Variants in ZNF721 observed in about 807,000 individuals in gnomAD.
ZNF721 encodes the protein zinc finger protein 721.
ZNF721 carries 2 observed loss-of-function variants against 2.4 expected under a neutral mutation model. The observed-to-expected ratio is 0.82, with a 90% CI of 0.34 to 2.58. ZNF721 has a LOEUF of 2.58. Among genes scored for constraint, ZNF721 ranks in the 30% most tolerant of loss-of-function variants. ZNF721 has a pLI of 0.11. For synonymous variants in ZNF721, 398 were observed against 381.8 expected, an observed-to-expected ratio of 1.04 and a Z score of -0.50; for missense variants, 1,187 against 1,085.5, an observed-to-expected ratio of 1.09 and a Z score of -1.31.
rs782011346 is a variant in ZNF721, at chr4:441,771, CCA to C, written c.2694_2695del (p.Cys898TrpfsTer5). ...ATTTGCAGACTGTCTAAAGGTTTTG[CCA>C]CAGTCTCCACACGTGTAGGGTTTCT... On this transcript the variant is annotated frameshift_variant, in exon 3 of 3. Coordinates refer to ENST00000511833, the MANE Select transcript of ZNF721 (RefSeq NM_133474.4). LOFTEE classifies it low-confidence loss of function (END_TRUNC). 250 of 1,613,644 alleles carry C rather than the reference CCA, an allele frequency of 1.5e-4. No individual in the cohort carries two copies. Among genetic ancestry groups the C allele is most frequent in the East Asian group, 7.6e-4 (34 of 44,866 alleles).
intron 2 of ZNF721, chr4:454,115 A>G (rs1468351273): frequency 6.6e-6 from 1 of 152,220 alleles, no homozygotes; most frequent in African/African-American, 2.4e-5. Context: ...TTAATAACAC[A>G]TTAGTACACT....
chr4:479,114 G>A (rs1715709394), intron 1 of ZNF721, among the ~76,000 whole-genome samples: 1 of 152,148 alleles, frequency 6.6e-6, no homozygotes, highest in Non-Finnish European at 1.5e-5. Context: ...AATACCTTTT[G>A]TTGGAGAGTC....
chr4:486,521 G>C (rs75886120), intron 1 of ZNF721, among the ~76,000 whole-genome samples: 18,421 of 152,070 alleles, frequency 0.12, 1,583 homozygotes, highest in African/African-American at 0.25. Context: ...TAAATGTGGG[G>C]TCTTAGAAAA....
rs1166982537 is a variant in ZNF721, at chr4:499,125, C to T, written c.-163G>A. 2 of 579,242 alleles carry T rather than the reference C, an allele frequency of 3.5e-6. No individual in the cohort carries two copies. Among genetic ancestry groups the T allele is most frequent in the Admixed American group, 3.4e-5 (1 of 29,090 alleles). The allele number at this position is 579,242 out of a possible 1,614,324, so 35.9% of individuals were successfully genotyped here. ...CCCACGGAGCCGGGAACACCGCCCG[C>T]TGTTCGTATGTCCGAGGTGACGCCC... On this transcript the variant is annotated 5_prime_UTR_variant, in exon 1 of 3. Transcript: ENST00000511833.
intron 1 of ZNF721, among the ~76,000 whole-genome samples, chr4:489,779 A>G (rs1400640710): frequency 6.6e-6 from 1 of 152,218 alleles, no homozygotes; most frequent in Non-Finnish European, 1.5e-5. Context: ...GTGAGTTTAG[A>G]AGAATCAGAT....
chr4:488,154 G>A (rs1553870892), intron 1 of ZNF721, among the ~76,000 whole-genome samples: 1 of 152,184 alleles, frequency 6.6e-6, no homozygotes, highest in Non-Finnish European at 1.5e-5. Context: ...CCACCCTGTG[G>A]AGTGCTTTCT....
chr4:448,495 A>C (rs997112306), intron 2 of ZNF721, among the ~76,000 whole-genome samples: 3 of 152,034 alleles, frequency 2.0e-5, no homozygotes, highest in Non-Finnish European at 4.4e-5. Flanking sequence ...CAAACTAAAG[A>C]TTGAAATAAT....
chr4:480,483 G>T (rs1258154649), intron 1 of ZNF721, among the ~76,000 whole-genome samples: 2 of 152,004 alleles, frequency 1.3e-5, no homozygotes, highest in African/African-American at 4.8e-5. Flanking sequence ...TATTTACATT[G>T]CAGCAAACCT....
rs370715448 is a variant in ZNF721 at position 443,288 on chromosome 4, C to T, written c.1179G>A (p.Glu393=). 732 of 1,612,418 alleles carry T rather than the reference C, an allele frequency of 4.5e-4. 6 individuals are homozygous for T. The highest frequency in any genetic ancestry group is 3.4e-3 in the African/African-American group (255 of 74,480). ...TTGAACTATTAAAGGCTTTGCCACA[C>T]TCTTCACATTTGTAAGGTTTCTCTC... ...HTGEKPYKCE[E]CGKAFNSSTN... The change falls in exon 3 of 3, where the codon GAG becomes GAA. Residue 393 remains glutamate (E), a synonymous_variant. Transcript: ENST00000511833.
intron 1 of ZNF721, among the ~76,000 whole-genome samples, chr4:476,087 T>C (rs955163462): frequency 6.6e-6 from 1 of 152,214 alleles, no homozygotes; most frequent in East Asian, 1.9e-4. Context: ...GGACCATTCA[T>C]CCAAAATGAT....
rs1560222626 is a variant in ZNF721, at chr4:441,980, T to C, written c.2487A>G (p.Arg829=). The C allele has an allele frequency of 1.9e-6, 3 of 1,613,868 alleles. 1 individual carries two copies. Among genetic ancestry groups the C allele is most frequent in the Non-Finnish European group, 2.5e-6 (3 of 1,179,782 alleles). Residue 829 remains arginine (R), a synonymous_variant, in exon 3 of 3, where the codon AGA becomes AGG. Coordinates refer to ENST00000511833, the MANE Select transcript of ZNF721 (RefSeq NM_133474.4). ...TGTAGGGTTTCTCTCCAGTATGAATTCTCCTATGTTTAGTAAGGGTTGTGG... is the reference window on the plus strand; with the variant it reads ...TGTAGGGTTTCTCTCCAGTATGAATCCTCCTATGTTTAGTAAGGGTTGTGG... ...TSSTTLTKHR[R]IHTGEKPYTC...
intron 2 of ZNF721, among the ~76,000 whole-genome samples, chr4:450,984 T>A (rs1714642868): frequency 9.2e-6 from 1 of 108,776 alleles, no homozygotes; most frequent in African/African-American, 3.5e-5. Flanking sequence ...TATATATATA[T>A]ATATATATAT....
At chr4:466,675 CAAAG>C (rs781825246) in intron 2 of ZNF721, among the ~76,000 whole-genome samples, 5 of 151,948 alleles carry the variant, frequency 3.3e-5, no homozygotes, top group African/African-American at 9.7e-5. Context: ...ATCAAAAAAA[CAAAG>C]AAAGAAAGTG....
intron 2 of ZNF721, among the ~76,000 whole-genome samples, chr4:453,144 T>C (rs948930830): frequency 5.9e-5 from 9 of 152,224 alleles, no homozygotes; most frequent in Non-Finnish European, 1.2e-4. Flanking sequence ...GGCCGTGGCT[T>C]ACAGTCCTGT....
intron 2 of ZNF721, among the ~76,000 whole-genome samples, chr4:444,733 A>C (rs1164646131): frequency 6.6e-6 from 1 of 152,202 alleles, no homozygotes; most frequent in Non-Finnish European, 1.5e-5. Context: ...ATATAGCACT[A>C]TGCCATTAGA....
intron 1 of ZNF721, among the ~76,000 whole-genome samples, chr4:492,611 G>A (rs1576974769): frequency 6.7e-6 from 1 of 148,476 alleles, no homozygotes; most frequent in African/African-American, 2.5e-5. Flanking sequence ...AAAAGTTTTG[G>A]GTTTTTTTTT....
At chr4:474,151 G>A (rs78633268) in intron 1 of ZNF721, 29,528 of 736,828 alleles carry the variant, frequency 0.04, 888 homozygotes, top group African/African-American at 0.13. Flanking sequence ...ACAGGCCAAG[G>A]CCGCCGAAGA....
Position 476,067 on chromosome 4 carries a change from T to G in ZNF721, c.-93-3366A>C, listed in dbSNP as rs77058952. On this transcript the variant is annotated intron_variant, in intron 1 of 2. Transcript: ENST00000511833. Reference sequence around the variant, plus strand: ...GAGATTCTCTGGGCCCTTTAAATATTTTAACTCCTGGACCATTCATCCAAA... The same window carrying G: ...GAGATTCTCTGGGCCCTTTAAATATGTTAACTCCTGGACCATTCATCCAAA... Among the ~76,000 whole-genome samples, 629 of 152,326 alleles carry G rather than the reference T, an allele frequency of 4.1e-3. 3 individuals are homozygous for G. The highest frequency in any genetic ancestry group is 0.015 in the African/African-American group (611 of 41,576).
At chr4:496,969 C>T (rs1007164335) in intron 1 of ZNF721, among the ~76,000 whole-genome samples, 1 of 151,658 alleles carries the variant, frequency 6.6e-6, no homozygotes, top group Non-Finnish European at 1.5e-5. Context: ...ACCTCGGCCT[C>T]CCAAAGTGCT....
Sources: allele counts gnomAD v4.1 joint callset (sites outside exome capture counted in the v4.1 genomes callset), GRCh38; gene constraint gnomAD v4.1.1; transcripts MANE v1.5; gene names NCBI Gene and HGNC (gene_info 2026-07-23, HGNC 2026-07-21).